The following MYT1L variants were observed in gnomAD, a reference collection of about 807,000 sequenced individuals.
MYT1L encodes the protein myelin transcription factor 1 like.
MYT1L carries 12 observed loss-of-function variants against 126.7 expected under a neutral mutation model. That is an observed-to-expected ratio of 0.09 (90% CI 0.06 to 0.15). MYT1L has a LOEUF of 0.15. Ranked by LOEUF, MYT1L falls within the 10% of genes least tolerant of loss-of-function variation. The pLI is 1.00. For missense variants in MYT1L, 979 were observed against 1,585.2 expected (o/e 0.62, Z 6.49); for synonymous variants, 541 against 604.2 (o/e 0.90, Z 1.53).
chr2:1,825,383 A>C (rs2039163711), intron 21 of MYT1L: 1 of 152,238 alleles, frequency 6.6e-6, no homozygotes, highest in Admixed American at 6.5e-5. Context: ...AGTTACAGAA[A>C]ACAGATACAT....
intron 1 of MYT1L, among the ~76,000 whole-genome samples, chr2:2,301,646 T>C (rs941200081): frequency 8.6e-5 from 13 of 151,856 alleles, no homozygotes; most frequent in African/African-American, 2.9e-4. Flanking sequence ...CTGGGCATTA[T>C]AGTGAGACCC....
chr2:2,155,335 C>T (rs957115932), intron 3 of MYT1L, among the ~76,000 whole-genome samples: 2 of 152,150 alleles, frequency 1.3e-5, no homozygotes, highest in African/African-American at 4.8e-5. Context: ...AAAGCCTCTG[C>T]CTTTCTGAAC....
Position 1,917,451 on chromosome 2 carries a change from G to C in MYT1L, c.1484-112C>G. ...AAAGAAAGAAATAAAGCAGGTGTCG[G>C]GGGCTAGGCTGTGACATCAGACTTT... On this transcript the variant is annotated intron_variant, in intron 10 of 24. Transcript: ENST00000647738. The surrounding 1 kb of genome is among the most constrained non-coding windows in gnomAD (Gnocchi z 5.9). The C allele has an allele frequency of 1.5e-6, 2 of 1,322,516 alleles. No individual in the cohort carries two copies. The highest frequency in any genetic ancestry group is 2.1e-6 in the Non-Finnish European group (2 of 963,320). The allele number at this position is 1,322,516 out of a possible 1,614,324, so 81.9% of individuals were successfully genotyped here. A position where few individuals can be genotyped will look rare whatever the true frequency, so the allele number is the denominator to read the frequency against.
intron 2 of MYT1L, among the ~76,000 whole-genome samples, chr2:2,230,586 G>A (rs2094137054): frequency 6.6e-6 from 1 of 152,182 alleles, no homozygotes; most frequent in Admixed American, 6.5e-5. Flanking sequence ...TGCCTGCAAG[G>A]TGACATGTGA....
Position 2,059,951 on chromosome 2 carries a change from C to T in MYT1L, c.-303-5828G>A, listed in dbSNP as rs997861260. ...CCTAAGCGGCACCCCAACCCCACCA[C>T]GAGCTCGTCAGGGCAGGGGACAGAG... On this transcript the variant is annotated intron_variant, in intron 3 of 24. Transcript: ENST00000647738. The surrounding 1 kb of genome is among the most constrained non-coding windows in gnomAD (Gnocchi z 4.7). Among the ~76,000 whole-genome samples the T allele has an allele frequency of 1.3e-5, 2 of 152,174 alleles. No homozygotes were observed. Among genetic ancestry groups the T allele is most frequent in the South Asian group, 2.1e-4 (1 of 4,826 alleles).
intron 2 of MYT1L, among the ~76,000 whole-genome samples, chr2:2,210,197 C>T (rs2093455038): frequency 6.6e-6 from 1 of 152,056 alleles, no homozygotes; most frequent in South Asian, 2.1e-4. Flanking sequence ...TTATTGATCC[C>T]TTGTCAGATA....
At chr2:2,080,770 G>A (rs2075737953) in intron 3 of MYT1L, among the ~76,000 whole-genome samples, 1 of 152,180 alleles carries the variant, frequency 6.6e-6, no homozygotes, top group Non-Finnish European at 1.5e-5. Flanking sequence ...AAATATTGCA[G>A]CTACTTTGAC....
In MYT1L at chr2:1,922,865, A is replaced by G; in HGVS notation, c.904T>C (p.Leu302=). ...QDSRNMNYVM[L]GKPMNNGLME... is the part of the protein sequence containing the mutation. ...AGTCCGTTGTTCATGGGCTTCCCCAACATGACGTAATTCATATTTCTACTG... is the reference window on the plus strand; with the variant it reads ...AGTCCGTTGTTCATGGGCTTCCCCAGCATGACGTAATTCATATTTCTACTG... The change falls in exon 10 of 25, where the codon TTG becomes CTG. Residue 302 remains leucine, a synonymous_variant. Transcript: ENST00000647738. The surrounding 1 kb of genome is among the most constrained non-coding windows in gnomAD (Gnocchi z 7.4). The G allele has an allele frequency of 6.2e-7, 1 of 1,613,936 alleles. No homozygotes were observed.
At chr2:2,330,574 A>G (rs2096278802) in intron 1 of MYT1L, among the ~76,000 whole-genome samples, 1 of 152,200 alleles carries the variant, frequency 6.6e-6, no homozygotes, top group Admixed American at 6.5e-5. Context: ...AATTCATCCA[A>G]AATAGCTAAC....
chr2:1,898,708 G>C (rs1293400691), intron 14 of MYT1L, among the ~76,000 whole-genome samples: 1 of 152,238 alleles, frequency 6.6e-6, no homozygotes, highest in Admixed American at 6.5e-5. Flanking sequence ...CAGGCAGCTG[G>C]AGAGTGGTAG....
At chr2:2,203,002 A>C (rs1441337731) in intron 2 of MYT1L, among the ~76,000 whole-genome samples, 2 of 151,466 alleles carry the variant, frequency 1.3e-5, no homozygotes, top group East Asian at 3.9e-4. Context: ...CATCATATAA[A>C]CAGAACCAAA....
chr2:2,043,587 A>G (rs941432473), intron 4 of MYT1L, among the ~76,000 whole-genome samples: 2 of 152,176 alleles, frequency 1.3e-5, no homozygotes, highest in Non-Finnish European at 2.9e-5. Flanking sequence ...AGACATCTTG[A>G]AAGAGCTGTG....
chr2:2,041,227 G>C lies in MYT1L; in HGVS notation c.-158+12751C>G, dbSNP rs1574759041. ...GGAAGTTAAATTATATGGCATAATTGTACTATTAATGAAAGCTGATGAAGA... is the reference window on the plus strand; with the variant it reads ...GGAAGTTAAATTATATGGCATAATTCTACTATTAATGAAAGCTGATGAAGA... On this transcript the variant is annotated intron_variant, in intron 4 of 24. Coordinates refer to ENST00000647738, the MANE Select transcript of MYT1L (RefSeq NM_001303052.2). Among the ~76,000 whole-genome samples the C allele has an allele frequency of 3.9e-5, 6 of 152,288 alleles. No homozygotes were observed. In the South Asian group the frequency reaches 8.3e-4, roughly 21 times the overall value.
chr2:2,018,669 G>A (rs2064696751), intron 4 of MYT1L, among the ~76,000 whole-genome samples: 1 of 152,206 alleles, frequency 6.6e-6, no homozygotes, highest in Non-Finnish European at 1.5e-5. Flanking sequence ...AAACCCTCAG[G>A]AAGTAGCAGG....
At chr2:1,980,060 C>T (rs1285830594) in intron 5 of MYT1L, among the ~76,000 whole-genome samples, 1 of 151,910 alleles carries the variant, frequency 6.6e-6, no homozygotes. Context: ...CATCTATTTA[C>T]TCTCTTTTCA....
intron 2 of MYT1L, among the ~76,000 whole-genome samples, chr2:2,187,538 C>T (rs2092299842): frequency 6.6e-6 from 1 of 151,510 alleles, no homozygotes; most frequent in Non-Finnish European, 1.5e-5. Context: ...CCAGCCTCGC[C>T]CCCGTGGAAA....
At chr2:2,261,805 T>C (rs73913291) in intron 2 of MYT1L, among the ~76,000 whole-genome samples, 2,453 of 152,298 alleles carry the variant, frequency 0.016, 63 homozygotes, top group African/African-American at 0.056. Context: ...AATTTGTGCT[T>C]GTGATTATTA....
At chr2:1,866,460 CAG>C (rs1004117398) in intron 18 of MYT1L, among the ~76,000 whole-genome samples, 9 of 105,312 alleles carry the variant, frequency 8.5e-5, no homozygotes, top group South Asian at 3.4e-4. Flanking sequence ...GAGAGAGAGG[CAG>C]AGAGAGAGAG....
intron 3 of MYT1L, among the ~76,000 whole-genome samples, chr2:2,072,129 A>T (rs978016503): frequency 2.6e-5 from 4 of 152,328 alleles, no homozygotes; most frequent in Admixed American, 2.6e-4. Context: ...CCGTCTTTGA[A>T]AGCCGCTCTC....
Sources: gnomAD v4.1 joint callset for allele counts (sites outside exome capture counted in the v4.1 genomes callset) on GRCh38, gnomAD v4.1.1 for gene constraint, Gnocchi (gnomAD v3.1) non-coding constraint, MANE v1.5 for transcripts, NCBI Gene and HGNC (gene_info 2026-07-23, HGNC 2026-07-21) for gene names.